Variants in BMPER observed in about 807,000 individuals in gnomAD.
BMPER encodes BMP binding endothelial regulator, also known as BMP-binding endothelial regulator protein.
BMPER carries 45 observed loss-of-function variants against 87.3 expected under a neutral mutation model. The observed-to-expected ratio is 0.52, with a 90% confidence interval of 0.41 to 0.66. BMPER has a LOEUF of 0.66. BMPER is among the 30% of genes least tolerant of loss of function. The probability of loss-of-function intolerance (pLI) is 0.00; values close to 1 mark genes in which losing one functional copy is unlikely to be tolerated. For synonymous variants in BMPER, 326 were observed against 316.2 expected (o/e 1.03, Z -0.33); for missense variants, 784 against 867.5 (o/e 0.90, Z 1.21).
intron 13 of BMPER, among the ~76,000 whole-genome samples, chr7:34,108,353 G>A (rs187591466): frequency 9.9e-5 from 15 of 152,280 alleles, no homozygotes; most frequent in Admixed American, 3.3e-4. Flanking sequence ...ATGTGGAACC[G>A]GTCTCATGAA....
At chr7:33,996,352 A>G (rs1371436306) in intron 6 of BMPER, among the ~76,000 whole-genome samples, 1 of 151,972 alleles carries the variant, frequency 6.6e-6, no homozygotes, top group East Asian at 1.9e-4. Context: ...TAGCTGTCGT[A>G]TTTTTTTATG....
chr7:34,119,014 T>TCTCTCTCTCACACACACACA lies in BMPER; in HGVS notation c.1746-24215_1746-24214insTCTCTCTCACACACACACAC, dbSNP rs66493349. 3.8e-3 allele frequency among the ~76,000 whole-genome samples: 517 copies of TCTCTCTCTCACACACACACA among 135,776 alleles called. 3 individuals are homozygous for TCTCTCTCTCACACACACACA. Among genetic ancestry groups the TCTCTCTCTCACACACACACA allele is most frequent in the African/African-American group, 0.013 (500 of 37,976 alleles). The allele number at this position is 135,776 out of a possible 152,430, so 89.1% of individuals were successfully genotyped here. A position where few individuals can be genotyped will look rare whatever the true frequency, so the allele number is the denominator to read the frequency against. On this transcript the variant is annotated intron_variant, in intron 13 of 14. Transcript: ENST00000649409. ...CTCTCACTGTCTCTCTCTCTCTCTC[T>TCTCTCTCTCACACACACACA]CACACACACACACACACACACACGC...
chr7:34,056,658 C>T (rs1474981676), intron 9 of BMPER, among the ~76,000 whole-genome samples: 2 of 151,074 alleles, frequency 1.3e-5, no homozygotes, highest in Admixed American at 1.3e-4. Context: ...CGCTCTGTCG[C>T]CCAGGCTGGA....
chr7:34,076,053 C>A (rs961404104), intron 11 of BMPER, among the ~76,000 whole-genome samples: 1 of 152,158 alleles, frequency 6.6e-6, no homozygotes, highest in African/African-American at 2.4e-5. Context: ...AAAATCATCC[C>A]GATTTCCAAA....
intron 2 of BMPER, among the ~76,000 whole-genome samples, chr7:33,913,086 A>G (rs1784000434): frequency 6.6e-6 from 1 of 152,182 alleles, no homozygotes; most frequent in Non-Finnish European, 1.5e-5. Context: ...ACAGAAAAGC[A>G]CTGTAATAGA....
intron 2 of BMPER, among the ~76,000 whole-genome samples, chr7:33,927,735 C>T (rs926169926): frequency 2.8e-4 from 42 of 152,296 alleles, no homozygotes; most frequent in African/African-American, 8.9e-4. Flanking sequence ...AGATTCTGCA[C>T]TGTCACCCCA....
intron 6 of BMPER, among the ~76,000 whole-genome samples, chr7:33,991,505 CT>C (rs1362123310): frequency 1.1e-4 from 17 of 152,110 alleles, no homozygotes; most frequent in Admixed American, 9.2e-4. Flanking sequence ...ATTCTTCTCT[CT>C]TTTTTTCTTT....
chr7:34,126,691 G>A (rs1790410278), intron 13 of BMPER, among the ~76,000 whole-genome samples: 2 of 152,228 alleles, frequency 1.3e-5, no homozygotes, highest in South Asian at 2.1e-4. Flanking sequence ...TCCCCAGTGT[G>A]TGGCTTTCAA....
At chr7:34,141,913 T>G (rs1285948521) in intron 13 of BMPER, among the ~76,000 whole-genome samples, 1 of 152,180 alleles carries the variant, frequency 6.6e-6, no homozygotes, top group Non-Finnish European at 1.5e-5. Flanking sequence ...AGTGTGTCGA[T>G]TTTATACCCA....
At chr7:34,090,389 C>G (rs1030129072) in intron 13 of BMPER, among the ~76,000 whole-genome samples, 13 of 152,180 alleles carry the variant, frequency 8.5e-5, no homozygotes, top group African/African-American at 3.1e-4. Flanking sequence ...ATATTCATCT[C>G]TCTTCTCCAG....
At chr7:33,957,289 A>G (rs1461271602) in intron 3 of BMPER, among the ~76,000 whole-genome samples, 1 of 151,508 alleles carries the variant, frequency 6.6e-6, no homozygotes, top group Non-Finnish European at 1.5e-5. Context: ...GGAACAAACA[A>G]TTGATACATG....
At chr7:34,106,325 C>G (rs2127984526) in intron 13 of BMPER, among the ~76,000 whole-genome samples, 1 of 152,346 alleles carries the variant, frequency 6.6e-6, no homozygotes, top group East Asian at 1.9e-4. Flanking sequence ...GTGCACATAT[C>G]ACTTTTCTTC....
chr7:34,003,081 T>G (rs1333358335), intron 6 of BMPER, among the ~76,000 whole-genome samples: 1 of 151,852 alleles, frequency 6.6e-6, no homozygotes, highest in Non-Finnish European at 1.5e-5. Flanking sequence ...ATGTCTTTTT[T>G]GTTCTGCAGT....
At chr7:34,065,243 T>TCTCTCTCTCC (rs1243528612) in intron 11 of BMPER, among the ~76,000 whole-genome samples, 95 of 130,300 alleles carry the variant, frequency 7.3e-4, no homozygotes, top group African/African-American at 2.3e-3. Context: ...TCTCTCTCTC[T>TCTCTCTCTCC]CTCTCCCTCT....
chr7:34,069,554 T>C (rs569988285), intron 11 of BMPER, among the ~76,000 whole-genome samples: 2 of 152,294 alleles, frequency 1.3e-5, no homozygotes, highest in African/African-American at 2.4e-5. Context: ...ATTAAATAGT[T>C]TGTGGTCAGC....
chr7:34,044,454 G>A (rs890550113), intron 6 of BMPER, among the ~76,000 whole-genome samples: 2 of 152,220 alleles, frequency 1.3e-5, no homozygotes, highest in Non-Finnish European at 2.9e-5. Context: ...AGGATTTTAG[G>A]AAGTTGCTTG....
intron 6 of BMPER, among the ~76,000 whole-genome samples, chr7:33,990,615 C>T (rs1585711972): frequency 1.3e-5 from 2 of 151,854 alleles, no homozygotes; most frequent in Middle Eastern, 3.4e-3. Context: ...ATTTCCTTCT[C>T]CTGACTAATT....
At chr7:34,001,467 A>C (rs1296933837) in intron 6 of BMPER, among the ~76,000 whole-genome samples, 2 of 151,462 alleles carry the variant, frequency 1.3e-5, no homozygotes. Context: ...GTTGGCATAC[A>C]GTTGTTCATA....
intron 3 of BMPER, among the ~76,000 whole-genome samples, chr7:33,956,283 A>G (rs1334177210): frequency 6.6e-6 from 1 of 152,338 alleles, no homozygotes; most frequent in African/African-American, 2.4e-5. Flanking sequence ...TTGTGAGGAC[A>G]ACAAAAAATC....
Sources: allele counts gnomAD v4.1 joint callset (sites outside exome capture counted in the v4.1 genomes callset), GRCh38; gene constraint gnomAD v4.1.1; transcripts MANE v1.5; gene names NCBI Gene and HGNC (gene_info 2026-07-23, HGNC 2026-07-21).